The following HECW2 variants were observed in gnomAD, a reference collection of about 807,000 sequenced individuals.
HECW2 encodes HECT, C2 and WW domain containing E3 ubiquitin protein ligase 2.
HECW2 carries 61 observed loss-of-function variants against 175.2 expected under a neutral mutation model. The observed-to-expected ratio is 0.35, with a 90% CI of 0.28 to 0.43. The LOEUF is 0.43. Among genes scored for constraint, HECW2 ranks in the 20% least tolerant of loss-of-function variants. HECW2 has a pLI of 1.00. For missense variants in HECW2, 1,524 were observed against 2,000.5 expected (o/e 0.76, Z 4.54); for synonymous variants, 671 against 731.0 (o/e 0.92, Z 1.32).
At chr2:196,392,171 T>G (rs1694531494) in intron 2 of HECW2, among the ~76,000 whole-genome samples, 1 of 152,202 alleles carries the variant, frequency 6.6e-6, no homozygotes, top group East Asian at 1.9e-4. Context: ...TCCCTTTATC[T>G]GTAAAATAAA....
chr2:196,214,804 T>C (rs981827718), intron 28 of HECW2, among the ~76,000 whole-genome samples: 29 of 152,234 alleles, frequency 1.9e-4, no homozygotes, highest in Non-Finnish European at 3.7e-4. Context: ...ATCTTTCAAT[T>C]GCTAAGAAGA....
chr2:196,512,997 T>A (rs1281830328), intron 1 of HECW2, among the ~76,000 whole-genome samples: 1 of 152,190 alleles, frequency 6.6e-6, no homozygotes, highest in African/African-American at 2.4e-5. Context: ...TAGCTGATTT[T>A]ACTTTTTAAT....
intron 1 of HECW2, among the ~76,000 whole-genome samples, chr2:196,476,516 G>A (rs994956331): frequency 2.6e-5 from 4 of 151,408 alleles, no homozygotes; most frequent in African/African-American, 7.3e-5. Flanking sequence ...GATGACACAG[G>A]CAAAGTGCTT....
At position 196,201,240 on chromosome 2, in the gene HECW2, C is replaced by A. The variant is rs3820908; in HGVS notation, c.*37G>T. The A allele has an allele frequency of 0.71, 946,729 of 1,329,794 alleles. 338,595 individuals are homozygous for A. Among genetic ancestry groups the A allele is most frequent in the East Asian group, 0.85 (37,085 of 43,526 alleles). The allele number at this position is 1,329,794 out of a possible 1,614,324, so 82.4% of individuals were successfully genotyped here. ...ATTCTTCTAGAAGGCAGCTTCTGAA[C>A]CTGCCTGTCCACAGAGATGGGCATT... On this transcript the variant is annotated 3_prime_UTR_variant, in exon 29 of 29. Coordinates refer to ENST00000644978, the MANE Select transcript of HECW2 (RefSeq NM_001348768.2).
At chr2:196,371,995 A>G (rs774979572) in intron 2 of HECW2, among the ~76,000 whole-genome samples, 3 of 152,080 alleles carry the variant, frequency 2.0e-5, no homozygotes, top group Admixed American at 6.6e-5. Context: ...TTTCACTTTT[A>G]TTTTTCTTTT....
intron 21 of HECW2, chr2:196,239,413 G>A (rs1246915386): frequency 2.0e-5 from 3 of 152,176 alleles, no homozygotes; most frequent in Admixed American, 1.3e-4. Context: ...CAAACGGCCT[G>A]AATTTGAATC....
intron 2 of HECW2, among the ~76,000 whole-genome samples, chr2:196,389,962 C>T (rs1263362917): frequency 1.3e-5 from 2 of 152,108 alleles, no homozygotes. Context: ...CACAGCCAGC[C>T]AAAACCCTTT....
In HECW2 at chr2:196,307,204, T is replaced by C; in HGVS notation, c.2615A>G (p.Asn872Ser). 2 of 1,613,604 alleles carry C rather than the reference T, an allele frequency of 1.2e-6. No individual in the cohort carries two copies. Among genetic ancestry groups the C allele is most frequent in the Non-Finnish European group, 1.7e-6 (2 of 1,179,482 alleles). The change falls in exon 12 of 29, where the codon AAT becomes AGT. Residue 872 changes from asparagine to serine, a missense_variant. Asn to Ser is a conservative substitution (Grantham distance 46). Around this residue, in one of 11 missense-constraint regions of HECW2, gnomAD observed 105 missense variants for 98.1 expected, o/e 1.07. Coordinates refer to ENST00000644978, the MANE Select transcript of HECW2 (RefSeq NM_001348768.2). ...RYQSIRRTMT[N>S]ERPEENTNAI... ...ATTGGTATTTTCCTCAGGCCTCTCATTGGTCATGGTTCTGCGGATACTCTG... is the reference window on the plus strand; with the variant it reads ...ATTGGTATTTTCCTCAGGCCTCTCACTGGTCATGGTTCTGCGGATACTCTG...
chr2:196,517,763 G>A (rs1041713251), intron 1 of HECW2, among the ~76,000 whole-genome samples: 17 of 152,236 alleles, frequency 1.1e-4, no homozygotes, highest in Middle Eastern at 3.4e-3. Context: ...CTCATATAAG[G>A]TAAAAACTTA....
chr2:196,408,917 T>C (rs1695033631), intron 2 of HECW2, among the ~76,000 whole-genome samples: 1 of 152,196 alleles, frequency 6.6e-6, no homozygotes, highest in South Asian at 2.1e-4. Flanking sequence ...CACAAAAGGT[T>C]GGTCACTGAT....
chr2:196,445,402 A>G (rs1372556620), intron 1 of HECW2, among the ~76,000 whole-genome samples: 1 of 152,212 alleles, frequency 6.6e-6, no homozygotes, highest in East Asian at 1.9e-4. Flanking sequence ...CACTTGTTTA[A>G]TTAGCATTAT....
intron 1 of HECW2, among the ~76,000 whole-genome samples, chr2:196,503,106 A>T (rs1687631197): frequency 6.6e-6 from 1 of 152,282 alleles, no homozygotes; most frequent in Non-Finnish European, 1.5e-5. Flanking sequence ...CACCTGTGCC[A>T]GCTCATGAAA....
At chr2:196,426,166 T>C (rs1050855506) in intron 2 of HECW2, among the ~76,000 whole-genome samples, 7 of 152,182 alleles carry the variant, frequency 4.6e-5, no homozygotes, top group Non-Finnish European at 5.9e-5. Flanking sequence ...TTTTTAGACA[T>C]AGTGCTACTG....
rs186947488 is a variant in HECW2, at chr2:196,429,739, T to C, written c.292+3393A>G. Among the ~76,000 whole-genome samples the C allele has an allele frequency of 4.8e-4, 73 of 152,144 alleles. No individual in the cohort carries two copies. In the East Asian group the frequency reaches 7.0e-3, roughly 14 times the overall value. Reference sequence around the variant, plus strand: ...GTGTAGAGCAAGAAGCTAGAGTCCATAGCAGTTCTGCTGAGCTTGGATACA... The same window carrying C: ...GTGTAGAGCAAGAAGCTAGAGTCCACAGCAGTTCTGCTGAGCTTGGATACA... On this transcript the variant is annotated intron_variant, in intron 2 of 28. Coordinates refer to ENST00000644978, the MANE Select transcript of HECW2 (RefSeq NM_001348768.2).
chr2:196,248,964 C>T (rs558752124), intron 19 of HECW2, among the ~76,000 whole-genome samples: 19 of 152,242 alleles, frequency 1.2e-4, no homozygotes, highest in Middle Eastern at 3.4e-3. Flanking sequence ...AACAAGAGCT[C>T]TGCATCATGA....
At chr2:196,275,551 AG>A (rs1215261346) in intron 15 of HECW2, among the ~76,000 whole-genome samples, 3 of 152,186 alleles carry the variant, frequency 2.0e-5, no homozygotes, top group Non-Finnish European at 4.4e-5. Flanking sequence ...CAACAGATCG[AG>A]ACCATCCTGG....
intron 13 of HECW2, among the ~76,000 whole-genome samples, chr2:196,301,160 GAAT>G (rs139002211): frequency 0.023 from 3,437 of 152,178 alleles, 135 homozygotes; most frequent in African/African-American, 0.078. Context: ...AGTTTGCTGA[GAAT>G]AATAGCTTCC....
At chr2:196,350,453 G>T (rs1693130617) in intron 2 of HECW2, among the ~76,000 whole-genome samples, 1 of 152,208 alleles carries the variant, frequency 6.6e-6, no homozygotes, top group African/African-American at 2.4e-5. Context: ...TCAGGAATCT[G>T]AATTTTAGCA....
intron 1 of HECW2, among the ~76,000 whole-genome samples, chr2:196,485,468 G>A (rs1330240573): frequency 3.9e-5 from 6 of 152,148 alleles, no homozygotes; most frequent in Non-Finnish European, 7.3e-5. Flanking sequence ...GTCTAGTGAG[G>A]GCAAGGTCTC....
Sources: gnomAD v4.1 joint callset for allele counts (sites outside exome capture counted in the v4.1 genomes callset) on GRCh38, gnomAD v4.1.1 for gene constraint, gnomAD v4.1.1 regional missense constraint, MANE v1.5 for transcripts, NCBI Gene and HGNC (gene_info 2026-07-23, HGNC 2026-07-21) for gene names.